COL14A1: variants seen among roughly 807,000 people sequenced by gnomAD.
COL14A1 encodes collagen alpha-1(XIV) chain.
Under a neutral mutation model 230.3 loss-of-function variants are expected in COL14A1, and 136 were observed. The ratio of observed to expected loss-of-function variants is 0.59; its 90% CI spans 0.51 to 0.68. The LOEUF (loss-of-function observed/expected upper bound fraction) is 0.68, where lower values mean the gene tolerates loss of function less well. Among genes scored for constraint, COL14A1 ranks in the 30% least tolerant of loss-of-function variants. The pLI, the probability that COL14A1 is intolerant of heterozygous loss-of-function variation, is 0.00. For synonymous variants in COL14A1, 792 were observed against 784.1 expected, an observed-to-expected ratio of 1.01 and a Z score of -0.17; for missense variants, 1,976 against 2,215.8, an observed-to-expected ratio of 0.89 and a Z score of 2.17.
intron 40 of COL14A1, among the ~76,000 whole-genome samples, chr8:120,324,416 GA>G (rs1482977199): frequency 1.3e-5 from 2 of 152,124 alleles, no homozygotes; most frequent in Non-Finnish European, 2.9e-5. Context: ...TGTAGCCTGG[GA>G]CAGTGTTTAC....
chr8:120,174,685 A>T (rs190293485), intron 5 of COL14A1, among the ~76,000 whole-genome samples: 1 of 152,256 alleles, frequency 6.6e-6, no homozygotes, highest in Admixed American at 6.5e-5. Flanking sequence ...TAGGGCAAGA[A>T]CTTTCAGGAG....
intron 42 of COL14A1, among the ~76,000 whole-genome samples, chr8:120,339,124 G>A (rs752463977): frequency 4.6e-5 from 7 of 152,134 alleles, no homozygotes; most frequent in Non-Finnish European, 8.8e-5. Flanking sequence ...ACAGGCACGC[G>A]CCACCACGCC....
intron 12 of COL14A1, among the ~76,000 whole-genome samples, chr8:120,211,034 A>G (rs1015747180): frequency 6.6e-6 from 1 of 152,232 alleles, no homozygotes; most frequent in Non-Finnish European, 1.5e-5. Context: ...GTCTGATAAT[A>G]CTGTGTATTC....
intron 1 of COL14A1, among the ~76,000 whole-genome samples, chr8:120,131,649 A>C (rs1053562212): frequency 6.6e-6 from 1 of 151,932 alleles, no homozygotes; most frequent in African/African-American, 2.4e-5. Context: ...ACTTTCTCCT[A>C]TTCTGTAGAT....
chr8:120,368,000 C>T lies in COL14A1; in HGVS notation c.5155+752C>T, dbSNP rs1296191242. Among the ~76,000 whole-genome samples the T allele has an allele frequency of 4.6e-5, 7 of 151,826 alleles. No homozygotes were observed. The South Asian group carries it at 1.5e-3, about 31-fold the overall frequency. ...ACTTCCTAAACAGAATGAGATGTCA[C>T]TTCCATTCACATTTTATTGTCTGGA... On this transcript the variant is annotated intron_variant, in intron 46 of 47. Coordinates refer to ENST00000297848, the MANE Select transcript of COL14A1 (RefSeq NM_021110.4).
rs190204093 is a variant in COL14A1, at chr8:120,355,023, A to G, written c.5077+9460A>G. 1.5e-3 allele frequency among the ~76,000 whole-genome samples: 233 copies of G among 152,332 alleles called. 3 individuals are homozygous for G. The Middle Eastern group carries it at 0.017, about 11-fold the overall frequency. Reference sequence around the variant, plus strand: ...TAACCTGGCTTCTCATTATCCTAAAATTCAGAAGAGAGGACCAGTTCTGAG... The same window carrying G: ...TAACCTGGCTTCTCATTATCCTAAAGTTCAGAAGAGAGGACCAGTTCTGAG... On this transcript the variant is annotated intron_variant, in intron 45 of 47. Coordinates refer to ENST00000297848, the MANE Select transcript of COL14A1 (RefSeq NM_021110.4).
At chr8:120,145,097 A>AAAAAAATTTAAATAGCCAACAAACACC (rs1815043029) in intron 1 of COL14A1, among the ~76,000 whole-genome samples, 1 of 152,332 alleles carries the variant, frequency 6.6e-6, no homozygotes, top group African/African-American at 2.4e-5. Context: ...TATTTTGTTT[A>AAAAAAATTTAAATAGCCAACAAACACC]AAAAAATTTA....
chr8:120,146,940 T>A (rs1002443580), intron 1 of COL14A1, among the ~76,000 whole-genome samples: 4 of 152,088 alleles, frequency 2.6e-5, no homozygotes, highest in Admixed American at 2.6e-4. Flanking sequence ...AGTAATAGAA[T>A]TGTAATCTAC....
intron 23 of COL14A1, among the ~76,000 whole-genome samples, chr8:120,256,917 C>T (rs919077783): frequency 2.6e-5 from 4 of 152,188 alleles, no homozygotes; most frequent in Non-Finnish European, 4.4e-5. Context: ...TGTGGATATT[C>T]GTTGCCTTTC....
chr8:120,360,506 G>T (rs1823155836), intron 45 of COL14A1, among the ~76,000 whole-genome samples: 1 of 152,160 alleles, frequency 6.6e-6, no homozygotes, highest in Non-Finnish European at 1.5e-5. Flanking sequence ...TCTCTCACCT[G>T]CAAGCCTTTG....
intron 45 of COL14A1, among the ~76,000 whole-genome samples, chr8:120,363,416 T>G (rs140861650): frequency 6.6e-5 from 10 of 152,120 alleles, no homozygotes; most frequent in African/African-American, 2.2e-4. Flanking sequence ...TACTGGGACC[T>G]GTTGGGAGGA....
intron 42 of COL14A1, among the ~76,000 whole-genome samples, chr8:120,334,610 A>ACACACG (rs1414358767): frequency 6.7e-6 from 1 of 150,328 alleles, no homozygotes; most frequent in Non-Finnish European, 1.5e-5. Flanking sequence ...ACACACACAC[A>ACACACG]CACACACACC....
At chr8:120,258,989 C>A (rs1460452769) in intron 23 of COL14A1, among the ~76,000 whole-genome samples, 1 of 152,126 alleles carries the variant, frequency 6.6e-6, no homozygotes, top group Non-Finnish European at 1.5e-5. Context: ...TTGTAACCTG[C>A]TTAGATAAAG....
At position 120,277,800 on chromosome 8, in the gene COL14A1, A is replaced by C. The variant is rs552488177; in HGVS notation, c.3214-311A>C. On this transcript the variant is annotated intron_variant, in intron 26 of 47. Transcript: ENST00000297848. ...GAGGCTGAAGGTTGAAAAACTGCCT[A>C]TTGGGAACTATGCTCACTACCTGGG... 1.2e-3 allele frequency: 199 copies of C among 163,892 alleles called. 1 individual carries two copies. Among genetic ancestry groups the C allele is most frequent in the African/African-American group, 4.6e-3 (191 of 41,924 alleles). The allele number at this position is 163,892 out of a possible 1,614,324, so 10.2% of individuals were successfully genotyped here. A position where few individuals can be genotyped will look rare whatever the true frequency, so the allele number is the denominator to read the frequency against.
At chr8:120,325,469 G>T (rs1000173676) in intron 40 of COL14A1, among the ~76,000 whole-genome samples, 1 of 123,296 alleles carries the variant, frequency 8.1e-6, no homozygotes, top group African/African-American at 3.0e-5. Context: ...TTAATTAAGT[G>T]TTCTGCTGTT....
chr8:120,326,312 T>A (rs940437118), intron 40 of COL14A1, among the ~76,000 whole-genome samples: 10 of 152,222 alleles, frequency 6.6e-5, no homozygotes, highest in Non-Finnish European at 1.3e-4. Flanking sequence ...AACTCTATAG[T>A]CTCTCAGCAT....
At chr8:120,251,052 C>T (rs1027752894) in intron 22 of COL14A1, among the ~76,000 whole-genome samples, 1 of 152,192 alleles carries the variant, frequency 6.6e-6, no homozygotes, top group Non-Finnish European at 1.5e-5. Context: ...GTGATTCAAC[C>T]TCCTCAGCCT....
At chr8:120,153,415 G>C (rs990124520) in intron 2 of COL14A1, among the ~76,000 whole-genome samples, 3 of 152,060 alleles carry the variant, frequency 2.0e-5, no homozygotes, top group Non-Finnish European at 4.4e-5. Context: ...AAACTCCTGG[G>C]CTCAACGAAT....
At position 120,313,949 on chromosome 8, in the gene COL14A1, G is replaced by A. The variant is rs1188966758; in HGVS notation, c.4473G>A (p.Arg1491=). Residue 1491 remains arginine (R), a synonymous_variant, in exon 38 of 48, where the codon CGG becomes CGA. Transcript: ENST00000297848. ...EPGPKGPDGP[R]GEIGLPGPQG... ...CCTTCCAGGGACCAGATGGCCCTCG[G>A]GGTGAAATTGGTCTGCCAGGACCTC... 1 of 1,612,294 alleles carries A rather than the reference G, an allele frequency of 6.2e-7. No individual in the cohort carries two copies. Among genetic ancestry groups the A allele is most frequent in the Non-Finnish European group, 8.5e-7 (1 of 1,179,202 alleles).
Sources: allele counts gnomAD v4.1 joint callset (sites outside exome capture counted in the v4.1 genomes callset), GRCh38; gene constraint gnomAD v4.1.1; transcripts MANE v1.5; gene names NCBI Gene and HGNC (gene_info 2026-07-23, HGNC 2026-07-21).